Variants in ARHGEF3 observed in about 807,000 individuals in gnomAD.
ARHGEF3 encodes 59.8 kDA protein.
A neutral mutation model predicts 63.2 loss-of-function variants in ARHGEF3; 28 were observed. The ratio of observed to expected loss-of-function variants is 0.44; its 90% confidence interval spans 0.33 to 0.61. The LOEUF is 0.61. ARHGEF3 is among the 20% of genes least tolerant of loss of function. ARHGEF3 has a pLI of 0.03. For missense variants in ARHGEF3, 533 were observed against 659.3 expected, an observed-to-expected ratio of 0.81 and a Z score of 2.10; for synonymous variants, 266 against 254.2, an observed-to-expected ratio of 1.05 and a Z score of -0.44.
intron 4 of ARHGEF3, among the ~76,000 whole-genome samples, chr3:56,814,295 T>C (rs1263897004): frequency 6.6e-6 from 1 of 152,190 alleles, no homozygotes; most frequent in East Asian, 1.9e-4. Context: ...TATGAGACTT[T>C]TTTTTGCGAT....
At chr3:57,036,938 G>A (rs1703988383) in intron 1 of ARHGEF3, among the ~76,000 whole-genome samples, 2 of 152,190 alleles carry the variant, frequency 1.3e-5, no homozygotes, top group African/African-American at 4.8e-5. Flanking sequence ...CTCCAATCTA[G>A]GTGAGCAGGA....
intron 3 of ARHGEF3, among the ~76,000 whole-genome samples, chr3:56,884,609 G>A (rs2040863945): frequency 6.6e-6 from 1 of 152,224 alleles, no homozygotes; most frequent in South Asian, 2.1e-4. Flanking sequence ...CAGGAATCTG[G>A]ATTAACAAGC....
At chr3:56,779,476 G>GTTTT (rs1189979162) in intron 1 of ARHGEF3, among the ~76,000 whole-genome samples, 1 of 150,856 alleles carries the variant, frequency 6.6e-6, no homozygotes, top group African/African-American at 2.5e-5. Context: ...AAAATAAAAA[G>GTTTT]TTTTTTTTTA....
chr3:56,819,942 TG>T lies in ARHGEF3; in HGVS notation c.193-46127del, dbSNP rs571711999. Among the ~76,000 whole-genome samples, 6 of 152,184 alleles carry T rather than the reference TG, an allele frequency of 3.9e-5. No homozygotes were observed. The South Asian group carries it at 1.2e-3, about 32-fold the overall frequency. On this transcript the variant is annotated intron_variant, in intron 4 of 12. Coordinates refer to the ARHGEF3 transcript ENST00000338458. ...CTTCCATCTCAGCTTCCCAAGTAGCTGGGACTACAGGCGTGCACCACCATAC... is the reference window on the plus strand; with the variant it reads ...CTTCCATCTCAGCTTCCCAAGTAGCTGGACTACAGGCGTGCACCACCATAC...
chr3:56,751,997 T>C (rs1480967955), intron 4 of ARHGEF3, among the ~76,000 whole-genome samples: 1 of 152,162 alleles, frequency 6.6e-6, no homozygotes, highest in Non-Finnish European at 1.5e-5. Flanking sequence ...ATGGGGAAGA[T>C]AAGAAAAACT....
intron 3 of ARHGEF3, among the ~76,000 whole-genome samples, chr3:56,937,058 G>A (rs946716128): frequency 6.6e-6 from 1 of 152,194 alleles, no homozygotes; most frequent in African/African-American, 2.4e-5. Context: ...TTCAAAAACT[G>A]GAGGGACGAG....
chr3:57,010,509 T>C (rs1702653555), intron 2 of ARHGEF3, among the ~76,000 whole-genome samples: 2 of 151,620 alleles, frequency 1.3e-5, no homozygotes, highest in African/African-American at 4.8e-5. Context: ...TGCACTCCTC[T>C]ATATGTGACA....
At chr3:56,876,810 C>G (rs974097464) in intron 4 of ARHGEF3, among the ~76,000 whole-genome samples, 1 of 152,212 alleles carries the variant, frequency 6.6e-6, no homozygotes, top group Non-Finnish European at 1.5e-5. Flanking sequence ...TCCATCGCCA[C>G]CAGCTCCATC....
rs1420955492 is a variant in ARHGEF3 at position 57,030,494 on chromosome 3, A to C, written c.62+4594T>G. On this transcript the variant is annotated intron_variant, in intron 2 of 12. Transcript: ENST00000338458. ...TGGGATGTTTGTTGACTGACTGACC[A>C]AATGAATGAATGAATAAATGACCTA... 2.0e-5 allele frequency among the ~76,000 whole-genome samples: 3 copies of C among 152,236 alleles called. No homozygotes were observed. The East Asian group carries it at 5.8e-4, about 29-fold the overall frequency.
chr3:57,024,767 G>A (rs1485455424), intron 2 of ARHGEF3, among the ~76,000 whole-genome samples: 2 of 152,218 alleles, frequency 1.3e-5, no homozygotes, highest in African/African-American at 2.4e-5. Flanking sequence ...GATTACAGGC[G>A]TGAGCCACCG....
At chr3:56,940,267 C>T (rs1042344297) in intron 3 of ARHGEF3, 15 of 152,190 alleles carry the variant, frequency 9.9e-5, no homozygotes, top group African/African-American at 3.4e-4. Flanking sequence ...GAGTTGAATT[C>T]CTGTCACTTG....
At chr3:57,038,612 T>C (rs1704054600) in intron 1 of ARHGEF3, among the ~76,000 whole-genome samples, 1 of 152,118 alleles carries the variant, frequency 6.6e-6, no homozygotes, top group South Asian at 2.1e-4. Flanking sequence ...CCTGGCTCAT[T>C]TTTTTAATTT....
intron 4 of ARHGEF3, among the ~76,000 whole-genome samples, chr3:56,836,239 TCTTTC>T (rs1227666403): frequency 2.6e-5 from 4 of 152,344 alleles, no homozygotes; most frequent in African/African-American, 9.6e-5. Context: ...AAAGTTCATC[TCTTTC>T]CTTTAGGGAA....
intron 3 of ARHGEF3, among the ~76,000 whole-genome samples, chr3:56,901,075 G>C (rs556147692): frequency 3.9e-5 from 6 of 152,314 alleles, no homozygotes; most frequent in African/African-American, 1.4e-4. Flanking sequence ...CCAGAAATAA[G>C]TATGAGACTC....
chr3:56,978,195 A>G (rs1038783765), intron 2 of ARHGEF3, among the ~76,000 whole-genome samples: 1 of 152,234 alleles, frequency 6.6e-6, no homozygotes, highest in African/African-American at 2.4e-5. Flanking sequence ...ACTGGACAAA[A>G]CACCTTTTAA....
intron 3 of ARHGEF3, among the ~76,000 whole-genome samples, chr3:56,943,115 T>C (rs1485206104): frequency 6.6e-6 from 1 of 152,186 alleles, no homozygotes; most frequent in Admixed American, 6.5e-5. Context: ...GTGGTGACAC[T>C]AAACAACAGA....
chr3:56,956,208 A>G (rs1700034052), intron 3 of ARHGEF3, among the ~76,000 whole-genome samples: 1 of 89,858 alleles, frequency 1.1e-5, no homozygotes, highest in South Asian at 3.5e-4. Context: ...AGCCAGGGGC[A>G]GGGTTGGTGT....
intron 1 of ARHGEF3, among the ~76,000 whole-genome samples, chr3:56,786,898 T>A (rs2036847060): frequency 7.4e-6 from 1 of 134,904 alleles, no homozygotes; most frequent in African/African-American, 2.5e-5. Flanking sequence ...GTTGTTGGGT[T>A]TTGTTAAAAA....
At chr3:56,754,691 A>G (rs543900135) in intron 3 of ARHGEF3, among the ~76,000 whole-genome samples, 2 of 152,398 alleles carry the variant, frequency 1.3e-5, no homozygotes, top group African/African-American at 4.8e-5. Flanking sequence ...CTAACAAAAT[A>G]TAACTAAAAT....
Sources: gnomAD v4.1 joint callset for allele counts (sites outside exome capture counted in the v4.1 genomes callset) on GRCh38, gnomAD v4.1.1 for gene constraint, MANE v1.5 for transcripts, NCBI Gene and HGNC (gene_info 2026-07-23, HGNC 2026-07-21) for gene names.